TMEM181: variants seen among roughly 807,000 people sequenced by gnomAD.
The protein encoded by TMEM181 is transmembrane protein 181, also known as G protein-coupled receptor 178.
A neutral mutation model predicts 71.9 loss-of-function variants in TMEM181; 39 were observed. The ratio of observed to expected loss-of-function variants is 0.54; its 90% confidence interval spans 0.42 to 0.71. The LOEUF (loss-of-function observed/expected upper bound fraction) is 0.71, where lower values mean the gene tolerates loss of function less well. Ranked by LOEUF, TMEM181 falls within the 30% of genes least tolerant of loss-of-function variation. TMEM181 has a pLI of 0.00. For missense variants in TMEM181, 595 were observed against 583.0 expected, an observed-to-expected ratio of 1.02 and a Z score of -0.21; for synonymous variants, 245 against 228.8, an observed-to-expected ratio of 1.07 and a Z score of -0.64.
At chr6:158,547,584 C>G (rs561674225) in intron 1 of TMEM181, among the ~76,000 whole-genome samples, 164 of 152,346 alleles carry the variant, frequency 1.1e-3, no homozygotes, top group African/African-American at 3.7e-3. Flanking sequence ...GGTCTCCCCC[C>G]TCAGCTGGGG....
At chr6:158,607,732 C>T (rs559656434) in intron 8 of TMEM181, among the ~76,000 whole-genome samples, 35 of 152,292 alleles carry the variant, frequency 2.3e-4, no homozygotes, top group Non-Finnish European at 4.7e-4. Context: ...CAGAAGAGCC[C>T]GTAGGGAGCC....
rs1179787879 is a variant in TMEM181, at chr6:158,584,018, G to T, written c.233G>T (p.Cys78Phe). The change falls in exon 4 of 17, where the codon TGT becomes TTT. Residue 78 changes from cysteine (C) to phenylalanine (F), a missense_variant. Physicochemically the swap from Cys to Phe is radical, Grantham distance 205. Coordinates refer to ENST00000684151, the MANE Select transcript of TMEM181 (RefSeq NM_001376852.1). ...STYNQQLWLT[C>F]VVELDQSKET... ...TACAATCAGCAACTATGGCTGACAT[G>T]TGTTGTTGAGTTGGATCAATCAAAA... is the stretch of plus-strand genomic sequence containing the variant. 1 of 1,611,894 alleles carries T rather than the reference G, an allele frequency of 6.2e-7. No individual in the cohort carries two copies. The highest frequency in any genetic ancestry group is 8.5e-7 in the Non-Finnish European group (1 of 1,178,890).
At chr6:158,592,793 C>T (rs866166678) in intron 6 of TMEM181, among the ~76,000 whole-genome samples, 4 of 152,100 alleles carry the variant, frequency 2.6e-5, no homozygotes, top group South Asian at 4.1e-4. Flanking sequence ...TGGTGCACAC[C>T]TGTAGTCCCA....
intron 1 of TMEM181, among the ~76,000 whole-genome samples, chr6:158,564,229 CCAAA>C (rs1782352888): frequency 6.6e-6 from 1 of 152,178 alleles, no homozygotes; most frequent in South Asian, 2.1e-4. Context: ...TAGTGAGGGG[CCAAA>C]CAGTGAATGT....
intron 6 of TMEM181, among the ~76,000 whole-genome samples, chr6:158,593,408 G>T (rs1424796587): frequency 1.3e-5 from 2 of 152,172 alleles, no homozygotes; most frequent in East Asian, 3.8e-4. Context: ...TTCCCGTAAT[G>T]AATGTTTATT....
chr6:158,585,524 T>C (rs1783719735), intron 5 of TMEM181, 99 bp downstream of exon 5: 2 of 1,301,820 alleles, frequency 1.5e-6, no homozygotes, highest in African/African-American at 1.5e-5. Context: ...GGTAAGAGGC[T>C]TCGAGAAATT....
chr6:158,565,648 T>G (rs1247697194), intron 1 of TMEM181, among the ~76,000 whole-genome samples: 1 of 152,094 alleles, frequency 6.6e-6, no homozygotes, highest in African/African-American at 2.4e-5. Flanking sequence ...AGTGAGTTAG[T>G]AAAAATGAGA....
In TMEM181 at chr6:158,596,670, G is replaced by A. The variant is rs191934156; in HGVS notation, c.492+6888G>A. ...CTGACAAAGACGTACCCAAGACTGG[G>A]AAGAAAAAGGGGTTTAATTGGACAT... is the stretch of plus-strand genomic sequence containing the variant. On this transcript the variant is annotated intron_variant, in intron 6 of 16. Coordinates refer to ENST00000684151, the MANE Select transcript of TMEM181 (RefSeq NM_001376852.1). Among the ~76,000 whole-genome samples, 653 of 152,248 alleles carry A rather than the reference G, an allele frequency of 4.3e-3. 3 individuals carry two copies. Among genetic ancestry groups the A allele is most frequent in the Non-Finnish European group, 5.3e-3 (359 of 68,014 alleles).
chr6:158,568,052 G>C (rs1052682088), intron 1 of TMEM181, among the ~76,000 whole-genome samples: 1 of 152,064 alleles, frequency 6.6e-6, no homozygotes, highest in Non-Finnish European at 1.5e-5. Flanking sequence ...GGAGTTTTTG[G>C]GGCCTGAACA....
intron 10 of TMEM181, among the ~76,000 whole-genome samples, chr6:158,618,572 T>A (rs1406832260): frequency 6.6e-6 from 1 of 152,218 alleles, no homozygotes; most frequent in African/African-American, 2.4e-5. Context: ...TAGTTGATGC[T>A]GTTTCTTCCT....
In TMEM181 at chr6:158,553,057, G is replaced by A. The variant is rs4626449; in HGVS notation, c.131+16192G>A. 3.9e-4 allele frequency among the ~76,000 whole-genome samples: 59 copies of A among 152,058 alleles called. 1 individual carries two copies. Among genetic ancestry groups the A allele is most frequent in the Non-Finnish European group, 7.5e-4 (51 of 68,010 alleles). On this transcript the variant is annotated intron_variant, in intron 1 of 16. Coordinates refer to the TMEM181 transcript ENST00000367090. ...TAAAAAATTAGCCGGGTGTGGTGGT[G>A]TGTGCCTGTGGTTCCAGTTACATGG...
chr6:158,628,301 A>G (rs759749197), intron 13 of TMEM181, 107 bp from the exon 14 acceptor site: 4 of 1,003,560 alleles, frequency 4.0e-6, no homozygotes, highest in South Asian at 2.7e-5. Flanking sequence ...TGCAGAAATC[A>G]TAGTGTACAG....
At chr6:158,608,306 C>T (rs767502238) in intron 8 of TMEM181, 27 bp from the exon 9 acceptor site, 1 of 1,613,824 alleles carries the variant, frequency 6.2e-7, no homozygotes, top group South Asian at 1.1e-5. Context: ...CTGTTTTCCA[C>T]ATGGATTTCT....
intron 2 of TMEM181, among the ~76,000 whole-genome samples, chr6:158,577,045 G>A (rs1249615856): frequency 8.4e-6 from 1 of 119,632 alleles, no homozygotes; most frequent in Admixed American, 1.1e-4. Context: ...CTGGGCAATA[G>A]AGCAAGACTC....
At chr6:158,611,164 G>T in intron 10 of TMEM181, 1 of 530,188 alleles carries the variant, frequency 1.9e-6, no homozygotes, top group Non-Finnish European at 3.8e-6. Flanking sequence ...TGTCACAGAA[G>T]CTGCTCCTCT....
intron 1 of TMEM181, among the ~76,000 whole-genome samples, chr6:158,550,739 A>G (rs1781694105): frequency 6.6e-6 from 1 of 152,062 alleles, no homozygotes; most frequent in South Asian, 2.1e-4. Flanking sequence ...TCATGGAACA[A>G]AGTTGGATTG....
rs1211672106 is a variant in TMEM181, at chr6:158,585,298, T to C, written c.260-6T>C. 5 of 1,593,924 alleles carry C rather than the reference T, an allele frequency of 3.1e-6. No individual in the cohort carries two copies. Among genetic ancestry groups the C allele is most frequent in the Non-Finnish European group, 2.6e-6 (3 of 1,172,066 alleles). On this transcript the variant is annotated splice_polypyrimidine_tract_variant and splice_region_variant and intron_variant, in intron 4 of 16. Transcript: ENST00000684151. ...GTCTCTAACACTGAATTTTTTTCTT[T>C]TGTAGAAACTTCTATTAAGACAAGC...
chr6:158,611,984 C>A (rs79923530), intron 10 of TMEM181, among the ~76,000 whole-genome samples: 1 of 151,552 alleles, frequency 6.6e-6, no homozygotes, highest in Admixed American at 6.6e-5. Context: ...ATACCCCCCC[C>A]ACCTCCTAGT....
chr6:158,609,890 TC>T, intron 10 of TMEM181: 1 of 235,586 alleles, frequency 4.2e-6, no homozygotes, highest in Non-Finnish European at 9.4e-6. Context: ...GATGATTCTC[TC>T]CAGTGGGATC....
Sources: allele counts gnomAD v4.1 joint callset (sites outside exome capture counted in the v4.1 genomes callset), GRCh38; gene constraint gnomAD v4.1.1; transcripts MANE v1.5; gene names NCBI Gene and HGNC (gene_info 2026-07-23, HGNC 2026-07-21).